The following FBXL7 variants were observed in gnomAD, a reference collection of about 807,000 sequenced individuals.
FBXL7 encodes F-box and leucine rich repeat protein 7.
A neutral mutation model predicts 38.3 loss-of-function variants in FBXL7; 12 were observed. The ratio of observed to expected loss-of-function variants is 0.31; its 90% CI spans 0.20 to 0.51. The LOEUF (loss-of-function observed/expected upper bound fraction) is 0.51. FBXL7 is among the 20% of genes least tolerant of loss of function. The pLI, the probability that FBXL7 is intolerant of heterozygous loss-of-function variation, is 0.98. For missense variants in FBXL7, 567 were observed against 676.4 expected, an observed-to-expected ratio of 0.84 and a Z score of 1.79; for synonymous variants, 297 against 300.9, an observed-to-expected ratio of 0.99 and a Z score of 0.13.
At chr5:15,739,399 C>A (rs977588150) in intron 2 of FBXL7, among the ~76,000 whole-genome samples, 7 of 152,206 alleles carry the variant, frequency 4.6e-5, no homozygotes, top group Non-Finnish European at 8.8e-5. Context: ...AGCTGAAATT[C>A]ACATACCGTA....
chr5:15,589,483 C>T (rs1242491437), intron 1 of FBXL7, among the ~76,000 whole-genome samples: 3 of 152,032 alleles, frequency 2.0e-5, no homozygotes, highest in East Asian at 3.9e-4. Context: ...GTAAGTTTCC[C>T]GAGGCTTCCC....
intron 2 of FBXL7, among the ~76,000 whole-genome samples, chr5:15,840,904 G>T (rs1304746061): frequency 6.8e-6 from 1 of 147,338 alleles, no homozygotes; most frequent in Admixed American, 6.7e-5. Flanking sequence ...TAATATTTTT[G>T]ATATAGATAC....
At position 15,694,301 on chromosome 5, in the gene FBXL7, ATTCC is replaced by A. The variant is rs1352553735; in HGVS notation, c.127+78232_127+78235del. ...TTCTTTTGACTTTTCATAAACTTACATTCCTTTATTTTGTCTTAGCCTTGTTATA... is the reference window on the plus strand; with the variant it reads ...TTCTTTTGACTTTTCATAAACTTACATTTATTTTGTCTTAGCCTTGTTATA... On this transcript the variant is annotated intron_variant, in intron 2 of 3. Coordinates refer to ENST00000504595, the MANE Select transcript of FBXL7 (RefSeq NM_012304.5). Among the ~76,000 whole-genome samples the A allele has an allele frequency of 2.0e-5, 3 of 152,184 alleles. No homozygotes were observed. In the East Asian group the frequency reaches 5.8e-4, roughly 29 times the overall value.
At chr5:15,614,667 C>G (rs1359709522) in intron 1 of FBXL7, among the ~76,000 whole-genome samples, 1 of 152,168 alleles carries the variant, frequency 6.6e-6, no homozygotes, top group Non-Finnish European at 1.5e-5. Flanking sequence ...AATCAGAATT[C>G]TGAACATGCA....
intron 2 of FBXL7, among the ~76,000 whole-genome samples, chr5:15,763,604 C>T (rs1736508934): frequency 6.6e-6 from 1 of 152,126 alleles, no homozygotes; most frequent in South Asian, 2.1e-4. Flanking sequence ...ACATAGGTTA[C>T]ATAGAATGAT....
intron 1 of FBXL7, among the ~76,000 whole-genome samples, chr5:15,610,792 TCA>T (rs974219210): frequency 3.9e-5 from 6 of 152,232 alleles, no homozygotes; most frequent in Admixed American, 1.3e-4. Context: ...TCCTAGGTGC[TCA>T]CACTACCCTA....
intron 1 of FBXL7, among the ~76,000 whole-genome samples, chr5:15,523,241 C>T (rs1737150159): frequency 1.3e-5 from 2 of 152,130 alleles, no homozygotes; most frequent in African/African-American, 4.8e-5. Context: ...CATAGAAATA[C>T]AGTAAATGAA....
intron 2 of FBXL7, among the ~76,000 whole-genome samples, chr5:15,743,962 G>A (rs1735953067): frequency 6.6e-6 from 1 of 152,164 alleles, no homozygotes; most frequent in Admixed American, 6.5e-5. Context: ...AGTTGAAGCA[G>A]CTGGGACATA....
intron 2 of FBXL7, among the ~76,000 whole-genome samples, chr5:15,618,348 A>C (rs1384683567): frequency 6.6e-6 from 1 of 152,214 alleles, no homozygotes; most frequent in East Asian, 1.9e-4. Context: ...ATTCCCTTGC[A>C]TAACTGAAAA....
intron 2 of FBXL7, among the ~76,000 whole-genome samples, chr5:15,898,696 G>A (rs1259665142): frequency 2.6e-5 from 4 of 152,148 alleles, no homozygotes; most frequent in African/African-American, 7.2e-5. Context: ...CCATAGACAC[G>A]AGGAGAAAAC....
rs1743477950 is a variant in FBXL7, at chr5:15,700,219, A to C, written c.127+84147A>C. On this transcript the variant is annotated intron_variant, in intron 2 of 3. Transcript: ENST00000504595. The stretch of plus-strand genomic sequence containing the variant: ...CTTGAAGTGGAACTAAAATGTAAAC[A>C]TGAGTTCACCCTAGTCTCTAAAGAC... 3.3e-5 allele frequency among the ~76,000 whole-genome samples: 5 copies of C among 152,210 alleles called. 1 individual carries two copies. The highest frequency in any genetic ancestry group is 3.2e-3 in the Middle Eastern group (1 of 316).
intron 2 of FBXL7, among the ~76,000 whole-genome samples, chr5:15,785,880 C>T (rs148355918): frequency 2.1e-3 from 313 of 152,312 alleles, no homozygotes; most frequent in African/African-American, 6.9e-3. Context: ...GTGAAATCCC[C>T]GGCTTTGACT....
chr5:15,655,509 AAAG>A (rs1741847822), intron 2 of FBXL7, among the ~76,000 whole-genome samples: 1 of 152,054 alleles, frequency 6.6e-6, no homozygotes, highest in Admixed American at 6.6e-5. Context: ...AAAAAAAAGA[AAAG>A]AAAAGAGAAA....
chr5:15,653,169 A>G (rs1741768127), intron 2 of FBXL7, among the ~76,000 whole-genome samples: 1 of 152,214 alleles, frequency 6.6e-6, no homozygotes, highest in African/African-American at 2.4e-5. Context: ...AGATAGATAA[A>G]TTAATAATGA....
chr5:15,858,047 G>C (rs945073622), intron 2 of FBXL7, among the ~76,000 whole-genome samples: 1 of 151,940 alleles, frequency 6.6e-6, no homozygotes, highest in African/African-American at 2.4e-5. Context: ...TGCCAGTTTG[G>C]ATTTCTTTCC....
At chr5:15,547,925 G>C (rs1737960944) in intron 1 of FBXL7, among the ~76,000 whole-genome samples, 1 of 152,200 alleles carries the variant, frequency 6.6e-6, no homozygotes, top group Non-Finnish European at 1.5e-5. Flanking sequence ...ACCACCTGCA[G>C]GCATGGTTAG....
chr5:15,862,618 C>T (rs1317281644), intron 2 of FBXL7, among the ~76,000 whole-genome samples: 1 of 152,204 alleles, frequency 6.6e-6, no homozygotes, highest in Non-Finnish European at 1.5e-5. Flanking sequence ...GCTGGTGGTG[C>T]TCTTTCCCAT....
intron 1 of FBXL7, among the ~76,000 whole-genome samples, chr5:15,519,016 A>C (rs1169170320): frequency 1.3e-5 from 2 of 152,052 alleles, no homozygotes; most frequent in East Asian, 3.9e-4. Flanking sequence ...GTTGCTGTTT[A>C]AGCAACTTCA....
At chr5:15,767,417 G>A (rs1484388545) in intron 2 of FBXL7, among the ~76,000 whole-genome samples, 1 of 152,164 alleles carries the variant, frequency 6.6e-6, no homozygotes, top group African/African-American at 2.4e-5. Context: ...GTGCCTGTCT[G>A]CAGGAGGCAT....
Sources: gnomAD v4.1 joint callset for allele counts (sites outside exome capture counted in the v4.1 genomes callset) on GRCh38, gnomAD v4.1.1 for gene constraint, MANE v1.5 for transcripts, NCBI Gene and HGNC (gene_info 2026-07-23, HGNC 2026-07-21) for gene names.